The following SLIT2 variants were observed in gnomAD, a reference collection of about 807,000 sequenced individuals.
The protein encoded by SLIT2 is slit guidance ligand 2.
In SLIT2, 41 loss-of-function variants were observed where a neutral mutation model predicts 185.7. That is an observed-to-expected ratio of 0.22 (90% CI 0.17 to 0.29). SLIT2 has a LOEUF of 0.29. Ranked by LOEUF, SLIT2 falls within the 10% of genes least tolerant of loss-of-function variation. The probability of loss-of-function intolerance (pLI) is 1.00; values close to 1 mark genes in which losing one functional copy is unlikely to be tolerated. For synonymous variants in SLIT2, 693 were observed against 680.2 expected (o/e 1.02, Z -0.29); for missense variants, 1,571 against 1,909.0 (o/e 0.82, Z 3.30).
At position 20,417,646 on chromosome 4, in the gene SLIT2, C is replaced by T. The variant is rs191223602; in HGVS notation, c.396-50106C>T. Among the ~76,000 whole-genome samples the T allele has an allele frequency of 7.2e-4, 109 of 151,618 alleles. 5 individuals carry two copies. In the East Asian group the frequency reaches 0.02, roughly 28 times the overall value. On this transcript the variant is annotated intron_variant, in intron 4 of 36. Coordinates refer to ENST00000504154, the MANE Select transcript of SLIT2 (RefSeq NM_004787.4). Reference sequence around the variant, plus strand: ...AAGCTATTCCCCTGCTTCAGCCTCCCGAGTAGCTGGGACTATAGGCGCACC... The same window carrying T: ...AAGCTATTCCCCTGCTTCAGCCTCCTGAGTAGCTGGGACTATAGGCGCACC...
intron 18 of SLIT2, among the ~76,000 whole-genome samples, chr4:20,537,749 G>A (rs771272546): frequency 6.6e-5 from 10 of 151,928 alleles, no homozygotes; most frequent in Non-Finnish European, 1.2e-4. Flanking sequence ...ACCTATTCTT[G>A]GTGTCTTTTG....
chr4:20,379,881 A>G (rs2109338987), intron 4 of SLIT2, among the ~76,000 whole-genome samples: 1 of 152,238 alleles, frequency 6.6e-6, no homozygotes, highest in Non-Finnish European at 1.5e-5. Flanking sequence ...TTTTAAATAG[A>G]AGAGAAAGAC....
intron 7 of SLIT2, 106 bp downstream of exon 7, chr4:20,486,377 C>A: frequency 3.1e-6 from 2 of 651,928 alleles, no homozygotes; most frequent in Non-Finnish European, 5.4e-6. Flanking sequence ...ACAAGGTAGA[C>A]AAGGAAAACC....
chr4:20,421,871 T>G (rs972799191), intron 4 of SLIT2, among the ~76,000 whole-genome samples: 4 of 152,114 alleles, frequency 2.6e-5, no homozygotes, highest in African/African-American at 9.6e-5. Flanking sequence ...CATGCAAGAT[T>G]GCTTTTCAGA....
At chr4:20,514,640 G>A (rs182231969) in intron 11 of SLIT2, among the ~76,000 whole-genome samples, 186 of 151,964 alleles carry the variant, frequency 1.2e-3, no homozygotes, top group African/African-American at 4.3e-3. Flanking sequence ...GTGAGTCTCT[G>A]TCTCAAAAAA....
chr4:20,617,400 CT>C, intron 35 of SLIT2, 38 bp from the exon 36 acceptor site: 1 of 1,568,566 alleles, frequency 6.4e-7, no homozygotes, highest in Non-Finnish European at 8.8e-7. Flanking sequence ...ACCTCCTCTT[CT>C]GAATGCATTC....
rs1055043539 is a variant in SLIT2, at chr4:20,359,244, G to T, written c.395+90363G>T. On this transcript the variant is annotated intron_variant, in intron 4 of 36. Coordinates refer to ENST00000504154, the MANE Select transcript of SLIT2 (RefSeq NM_004787.4). ...GGTCTGGAGGGATGTGTTCACCAAGGAGTGAAAGGAGGAAAGGAACTTAAG... is the reference window on the plus strand; with the variant it reads ...GGTCTGGAGGGATGTGTTCACCAAGTAGTGAAAGGAGGAAAGGAACTTAAG... 2.0e-5 allele frequency among the ~76,000 whole-genome samples: 3 copies of T among 152,080 alleles called. No individual in the cohort carries two copies. In the South Asian group the frequency reaches 6.2e-4, roughly 32 times the overall value.
intron 26 of SLIT2, among the ~76,000 whole-genome samples, chr4:20,559,296 C>T (rs553583743): frequency 1.2e-3 from 184 of 152,002 alleles, no homozygotes; most frequent in Non-Finnish European, 1.8e-3. Flanking sequence ...AAACAGCATG[C>T]GTGTAAGCCA....
chr4:20,325,837 T>C (rs1719534668), intron 4 of SLIT2, among the ~76,000 whole-genome samples: 1 of 152,176 alleles, frequency 6.6e-6, no homozygotes, highest in Non-Finnish European at 1.5e-5. Flanking sequence ...TGAGCTATTG[T>C]TTCTTTTTTT....
At chr4:20,567,658 G>A (rs909303594) in intron 28 of SLIT2, 43 bp downstream of exon 28, 1 of 1,430,134 alleles carries the variant, frequency 7.0e-7, no homozygotes, top group Admixed American at 1.7e-5. Context: ...AAGTATTGGA[G>A]CAAAGATAAC....
rs1013227420 is a variant in SLIT2 at position 20,523,688 on chromosome 4, A to G, written c.1131-72A>G. ...ATATATTTCTTGACTGGGTTTCCTT[A>G]AAAAGCACAAAATCTTGCAGGTGAG... On this transcript the variant is annotated intron_variant, in intron 12 of 36. Coordinates refer to ENST00000504154, the MANE Select transcript of SLIT2 (RefSeq NM_004787.4). 2.2e-6 allele frequency: 3 copies of G among 1,369,920 alleles called. No homozygotes were observed. The African/African-American group carries it at 4.3e-5, about 20-fold the overall frequency. 84.9% of individuals were successfully genotyped at this position (1,369,920 alleles called of 1,614,324 possible). A position where few individuals can be genotyped will look rare whatever the true frequency, so the allele number is the denominator to read the frequency against.
chr4:20,445,235 A>G (rs955257890), intron 4 of SLIT2, among the ~76,000 whole-genome samples: 14 of 152,232 alleles, frequency 9.2e-5, no homozygotes, highest in Admixed American at 1.3e-4. Context: ...GTGCTTGCAG[A>G]CTATTCTTTC....
chr4:20,575,863 A>G (rs1437813818), intron 29 of SLIT2, among the ~76,000 whole-genome samples: 2 of 151,920 alleles, frequency 1.3e-5, no homozygotes, highest in African/African-American at 2.4e-5. Flanking sequence ...GAACTAGGCT[A>G]CCTTTTATCC....
intron 4 of SLIT2, among the ~76,000 whole-genome samples, chr4:20,413,785 A>G (rs1577607985): frequency 6.6e-6 from 1 of 151,626 alleles, no homozygotes; most frequent in Admixed American, 6.6e-5. Context: ...TTTATTTTCA[A>G]TCTATTTGTG....
intron 4 of SLIT2, among the ~76,000 whole-genome samples, chr4:20,377,032 T>TA (rs755762976): frequency 2.5e-4 from 38 of 151,030 alleles, no homozygotes; most frequent in African/African-American, 4.6e-4. Flanking sequence ...TTAAAAAAAG[T>TA]AAAAAAAATA....
chr4:20,285,256 G>A (rs975861773), intron 4 of SLIT2, among the ~76,000 whole-genome samples: 2 of 152,190 alleles, frequency 1.3e-5, no homozygotes, highest in African/African-American at 2.4e-5. Context: ...GACATTGGAA[G>A]GTGGTGAGTT....
At chr4:20,462,840 A>G (rs974289527) in intron 4 of SLIT2, among the ~76,000 whole-genome samples, 1 of 152,048 alleles carries the variant, frequency 6.6e-6, no homozygotes, top group Non-Finnish European at 1.5e-5. Context: ...AGAACAGTAC[A>G]CTCCTAGAAA....
chr4:20,516,095 G>A lies in SLIT2; in HGVS notation c.1059-3287G>A, dbSNP rs552456797. 8.5e-5 allele frequency among the ~76,000 whole-genome samples: 13 copies of A among 152,324 alleles called. No individual in the cohort carries two copies. The South Asian group carries it at 1.2e-3, about 15-fold the overall frequency. On this transcript the variant is annotated intron_variant, in intron 11 of 36. Transcript: ENST00000504154. The stretch of plus-strand genomic sequence containing the variant: ...CTCCCAAAGTGCTGGGACTACAGGC[G>A]TGAGCCACTGCGCCTGGCCTCTGCC...
intron 9 of SLIT2, among the ~76,000 whole-genome samples, chr4:20,497,353 G>A (rs145021390): frequency 9.9e-5 from 15 of 151,936 alleles, no homozygotes; most frequent in Admixed American, 3.3e-4. Flanking sequence ...ACATTTGCTT[G>A]ACTCTCAAGC....
Sources: gnomAD v4.1 joint callset for allele counts (sites outside exome capture counted in the v4.1 genomes callset) on GRCh38, gnomAD v4.1.1 for gene constraint, MANE v1.5 for transcripts, NCBI Gene and HGNC (gene_info 2026-07-23, HGNC 2026-07-21) for gene names.